The following ALS2 variants were observed in gnomAD, a reference collection of about 807,000 sequenced individuals.
ALS2 encodes the protein alsin.
ALS2 carries 117 observed loss-of-function variants against 203.4 expected under a neutral mutation model. The observed-to-expected ratio is 0.58, with a 90% CI of 0.50 to 0.67. The LOEUF (loss-of-function observed/expected upper bound fraction) is 0.67. Among genes scored for constraint, ALS2 ranks in the 30% least tolerant of loss-of-function variants. The probability of loss-of-function intolerance (pLI) is 0.00; values close to 1 mark genes in which losing one functional copy is unlikely to be tolerated. For missense variants in ALS2, 1,715 were observed against 1,989.4 expected, an observed-to-expected ratio of 0.86 and a Z score of 2.62; for synonymous variants, 718 against 725.9, an observed-to-expected ratio of 0.99 and a Z score of 0.17.
chr2:201,725,630 C>T (rs1200824886), intron 19 of ALS2, among the ~76,000 whole-genome samples, 176 bp from the exon 20 acceptor site: 1 of 152,200 alleles, frequency 6.6e-6, no homozygotes, highest in Non-Finnish European at 1.5e-5. Context: ...AGCTGTTTGG[C>T]AAGAGGAGTG....
chr2:201,723,053 A>T lies in ALS2; in HGVS notation c.3692T>A (p.Leu1231His), dbSNP rs549693831. ...AAGCTAGTTTCCAACCTTTCCACTA[A>T]GAGTCCAGTCATCTGAAAATTCTCC... ...YEGEFSDDWT[L>H]SGKGTLTMPN... The change falls in exon 23 of 34, where the codon CTT (leucine) becomes CAT (histidine). Residue 1231 changes from leucine (L) to histidine (H), a missense_variant. Around this residue, in one of 3 missense-constraint regions of ALS2, gnomAD observed 1,227 missense variants for 1,413.5 expected, o/e 0.87. Coordinates refer to ENST00000264276, the MANE Select transcript of ALS2 (RefSeq NM_020919.4). 5.0e-6 allele frequency: 8 copies of T among 1,610,220 alleles called. No individual in the cohort carries two copies. The highest frequency in any genetic ancestry group is 5.1e-6 in the Non-Finnish European group (6 of 1,177,806).
Position 201,743,772 on chromosome 2 carries a change from G to A in ALS2, c.2170+486C>T, listed in dbSNP as rs550801254. Among the ~76,000 whole-genome samples, 9 of 152,302 alleles carry A rather than the reference G, an allele frequency of 5.9e-5. No homozygotes were observed. In the South Asian group the frequency reaches 1.9e-3, roughly 32 times the overall value. ...TTACAGGAGTGAGCCACCAAGCCCA[G>A]TCGGATAAGAGCTTTAACACTCTTA... On this transcript the variant is annotated intron_variant, in intron 10 of 33. Transcript: ENST00000264276.
chr2:201,748,776 A>T (rs971623901), intron 8 of ALS2, among the ~76,000 whole-genome samples: 2 of 152,240 alleles, frequency 1.3e-5, no homozygotes, highest in African/African-American at 4.8e-5. Context: ...TTTTCTTCCC[A>T]GTAAAATTAA....
chr2:201,758,277 T>C (rs558595120), intron 4 of ALS2, among the ~76,000 whole-genome samples: 4 of 152,304 alleles, frequency 2.6e-5, no homozygotes, highest in Non-Finnish European at 4.4e-5. Context: ...AATTTAGATA[T>C]AGCATATGGA....
At chr2:201,776,114 ACT>A (rs1262175910) in intron 1 of ALS2, among the ~76,000 whole-genome samples, 1 of 152,084 alleles carries the variant, frequency 6.6e-6, no homozygotes, top group East Asian at 1.9e-4. Context: ...CCTAATAGAA[ACT>A]CTCATATATA....
intron 7 of ALS2, among the ~76,000 whole-genome samples, chr2:201,751,212 CTATT>C (rs1693028638): frequency 6.6e-6 from 1 of 152,166 alleles, no homozygotes; most frequent in Admixed American, 6.5e-5. Context: ...ATTCATGTAT[CTATT>C]TGCTTAGGAT....
At chr2:201,721,202 G>A (rs1467283587) in intron 23 of ALS2, among the ~76,000 whole-genome samples, 1 of 152,154 alleles carries the variant, frequency 6.6e-6, no homozygotes, top group Non-Finnish European at 1.5e-5. Context: ...CTATGTTCAT[G>A]GGTTGAAGAG....
At chr2:201,727,883 C>A in intron 15 of ALS2, 108 bp from the exon 16 acceptor site, 1 of 1,045,856 alleles carries the variant, frequency 9.6e-7, no homozygotes, top group African/African-American at 1.6e-5. Flanking sequence ...GCAGTCTCTG[C>A]TGCAGAACCC....
chr2:201,754,574 A>G lies in ALS2; in HGVS notation c.1569T>C (p.Ser523=), dbSNP rs749944685. The stretch of plus-strand genomic sequence containing the variant: ...CCCAGGTCCACACTTCTGTTCTCAG[A>G]GAAGGCAGGAGCGCATCTGCTTCTC... The part of the protein sequence containing the change: ...YSGEADALLP[S]LRTEVWTWGK... Residue 523 remains serine (S), a synonymous_variant, in exon 6 of 34, where the codon TCT becomes TCC. Coordinates refer to ENST00000264276, the MANE Select transcript of ALS2 (RefSeq NM_020919.4). The G allele has an allele frequency of 6.8e-6, 11 of 1,614,106 alleles. No homozygotes were observed. Among genetic ancestry groups the G allele is most frequent in the Non-Finnish European group, 9.3e-6 (11 of 1,180,004 alleles).
chr2:201,704,195 A>G lies in ALS2; in HGVS notation c.4862T>C (p.Val1621Ala). 1 of 1,614,106 alleles carries G rather than the reference A, an allele frequency of 6.2e-7. No homozygotes were observed. Among genetic ancestry groups the G allele is most frequent in the Non-Finnish European group, 8.5e-7 (1 of 1,179,968 alleles). ...GTCCATTAGATCCTCAATGAGGTGT[A>G]CCTCAGAGCCTAAATTCCTAATCCT... Reference protein sequence around the residue: ...RARIRNLGSEVHLIEDLMDPY... With the variant: ...RARIRNLGSEAHLIEDLMDPY... The change falls in exon 33 of 34, where the codon GTA becomes GCA. Residue 1621 changes from valine to alanine, a missense_variant. Physicochemically the swap from Val to Ala is moderately conservative, Grantham distance 64. This residue lies in a region of ALS2 where 1,227 missense variants were observed against 1,413.5 expected (regional missense o/e 0.87). Coordinates refer to ENST00000264276, the MANE Select transcript of ALS2 (RefSeq NM_020919.4).
intron 1 of ALS2, 87 bp from the exon 2 acceptor site, chr2:201,769,032 T>C (rs1475694551): frequency 6.4e-6 from 4 of 628,586 alleles, no homozygotes; most frequent in East Asian, 5.6e-5. Context: ...CTCTAACAAG[T>C]GCACATTCAC....
Position 201,761,013 on chromosome 2 carries a change from T to C in ALS2, c.981A>G (p.Thr327=). The C allele has an allele frequency of 6.2e-7, 1 of 1,614,198 alleles. No individual in the cohort carries two copies. ...TGTTTCTGGCAGAGGAAATTTCAGT[T>C]GTTCCCATGACATTTTGTTGAGAGG... The part of the protein sequence containing the change: ...AMSSQQNVMG[T]TEISSARNIP... Residue 327 remains threonine, a synonymous_variant, in exon 4 of 34, where the codon ACA becomes ACG. Transcript: ENST00000264276.
At position 201,738,726 on chromosome 2, in the gene ALS2, T is replaced by C; in HGVS notation, c.2361A>G (p.Thr787=). Residue 787 remains threonine, a synonymous_variant, in exon 12 of 34, where the codon ACA becomes ACG. Coordinates refer to ENST00000264276, the MANE Select transcript of ALS2 (RefSeq NM_020919.4). ...CCATAACCAGGAAATTTGTAATAGA[T>C]GTGCAATACCTTGAGCAGAAAAGAA... ...LFLDSYTEYC[T]SITNFLVMGG... 2.5e-6 allele frequency: 4 copies of C among 1,613,982 alleles called. No homozygotes were observed. Among genetic ancestry groups the C allele is most frequent in the Non-Finnish European group, 2.5e-6 (3 of 1,179,852 alleles).
intron 31 of ALS2, among the ~76,000 whole-genome samples, 172 bp from the exon 32 acceptor site, chr2:201,704,775 A>G (rs924356502): frequency 6.6e-6 from 1 of 152,220 alleles, no homozygotes; most frequent in Non-Finnish European, 1.5e-5. Context: ...CTATGAGAAA[A>G]GTAGCCTCCA....
chr2:201,757,000 T>C (rs945519822), intron 5 of ALS2, among the ~76,000 whole-genome samples: 5 of 152,118 alleles, frequency 3.3e-5, no homozygotes, highest in African/African-American at 1.2e-4. Context: ...TCTCAGAAAA[T>C]GAAATTTTCT....
chr2:201,725,523 C>T (rs1691113680), intron 19 of ALS2, 69 bp from the exon 20 acceptor site: 3 of 1,238,186 alleles, frequency 2.4e-6, no homozygotes, highest in South Asian at 2.4e-5. Flanking sequence ...GTATGTATAT[C>T]CTGGTAAACA....
chr2:201,759,278 T>C (rs894645146), intron 4 of ALS2, among the ~76,000 whole-genome samples: 2 of 152,202 alleles, frequency 1.3e-5, no homozygotes, highest in East Asian at 3.8e-4. Flanking sequence ...TATATAATTT[T>C]AGGAGTTCCA....
chr2:201,740,935 C>A (rs1294707317), intron 11 of ALS2, among the ~76,000 whole-genome samples: 1 of 152,120 alleles, frequency 6.6e-6, no homozygotes, highest in African/African-American at 2.4e-5. Context: ...GCTTGGAGCT[C>A]CCCGCAAATG....
chr2:201,753,077 G>A, intron 7 of ALS2, 69 bp downstream of exon 7: 5 of 1,209,516 alleles, frequency 4.1e-6, no homozygotes, highest in Non-Finnish European at 4.9e-6. Flanking sequence ...ATCAACAAAT[G>A]AGGGTCCAAC....
Sources: gnomAD v4.1 joint callset for allele counts (sites outside exome capture counted in the v4.1 genomes callset) on GRCh38, gnomAD v4.1.1 for gene constraint, gnomAD v4.1.1 regional missense constraint, MANE v1.5 for transcripts, NCBI Gene and HGNC (gene_info 2026-07-23, HGNC 2026-07-21) for gene names.